Variants in CDC42BPA observed in about 807,000 individuals in gnomAD.
CDC42BPA encodes the protein CDC42 binding protein kinase alpha.
In CDC42BPA, 80 loss-of-function variants were observed where a neutral mutation model predicts 223.5. That is an observed-to-expected ratio of 0.36 (90% CI 0.30 to 0.43). CDC42BPA has a LOEUF of 0.43. Ranked by LOEUF, CDC42BPA falls within the 20% of genes least tolerant of loss-of-function variation. The pLI, the probability that CDC42BPA is intolerant of heterozygous loss-of-function variation, is 1.00. For missense variants in CDC42BPA, 1,743 were observed against 2,099.9 expected (o/e 0.83, Z 3.32); for synonymous variants, 694 against 718.6 (o/e 0.97, Z 0.55).
chr1:227,139,529 CTG>C (rs1381705759), intron 10 of CDC42BPA, 45 bp downstream of exon 10: 4 of 1,258,652 alleles, frequency 3.2e-6, no homozygotes, highest in Non-Finnish European at 2.2e-6. Context: ...GCTCATAACA[CTG>C]TGAGTACAAT....
Position 227,035,622 on chromosome 1 carries a change from A to G in CDC42BPA, c.3200-15T>C. 3.2e-6 allele frequency: 5 copies of G among 1,558,868 alleles called. No homozygotes were observed. Among genetic ancestry groups the G allele is most frequent in the Non-Finnish European group, 4.3e-6 (5 of 1,162,334 alleles). ...GAATCCACACACTTTTAGAGGGAAAAAAGAAACGTTTGATAAAAATTCATT... is the reference window on the plus strand; with the variant it reads ...GAATCCACACACTTTTAGAGGGAAAGAAGAAACGTTTGATAAAAATTCATT... On this transcript the variant is annotated splice_polypyrimidine_tract_variant and intron_variant, in intron 24 of 36. Coordinates refer to ENST00000366766, the MANE Select transcript of CDC42BPA (RefSeq NM_001394014.1).
chr1:227,041,150 T>A (rs898806449), intron 23 of CDC42BPA, among the ~76,000 whole-genome samples: 2 of 150,750 alleles, frequency 1.3e-5, no homozygotes, highest in Non-Finnish European at 3.0e-5. Flanking sequence ...CAAAAAAAAA[T>A]AATTTCAACT....
At chr1:227,284,071 T>A (rs11812018) in intron 1 of CDC42BPA, among the ~76,000 whole-genome samples, 23,904 of 152,030 alleles carry the variant, frequency 0.16, 2,166 homozygotes, top group East Asian at 0.37. Flanking sequence ...ATATATATAC[T>A]TTTTAATTAA....
intron 5 of CDC42BPA, among the ~76,000 whole-genome samples, chr1:227,177,364 C>T (rs1192087966): frequency 6.6e-6 from 1 of 152,058 alleles, no homozygotes; most frequent in Non-Finnish European, 1.5e-5. Context: ...GAAAATATCC[C>T]CAGATACAGA....
intron 21 of CDC42BPA, among the ~76,000 whole-genome samples, chr1:227,062,549 AC>A (rs1676133150): frequency 6.6e-6 from 1 of 152,194 alleles, no homozygotes; most frequent in South Asian, 2.1e-4. Context: ...AGGAAATATT[AC>A]GCTTAAGGGC....
chr1:227,254,516 G>A (rs760719414), intron 1 of CDC42BPA, among the ~76,000 whole-genome samples: 5 of 152,090 alleles, frequency 3.3e-5, no homozygotes, highest in Non-Finnish European at 7.4e-5. Flanking sequence ...CAGATTTCAT[G>A]GCACCAGAGA....
intron 6 of CDC42BPA, among the ~76,000 whole-genome samples, chr1:227,157,910 T>A (rs569684666): frequency 9.2e-5 from 14 of 151,876 alleles, no homozygotes; most frequent in Non-Finnish European, 1.8e-4. Context: ...ATTTGTGTAA[T>A]CTTTAAGGCT....
intron 1 of CDC42BPA, among the ~76,000 whole-genome samples, chr1:227,315,502 G>A (rs1694227216): frequency 6.6e-6 from 1 of 151,504 alleles, no homozygotes; most frequent in South Asian, 2.1e-4. Flanking sequence ...AAAAATCACA[G>A]ACTAGAGTGT....
At chr1:227,226,755 C>A (rs1025441691) in intron 2 of CDC42BPA, among the ~76,000 whole-genome samples, 1 of 152,112 alleles carries the variant, frequency 6.6e-6, no homozygotes, top group African/African-American at 2.4e-5. Flanking sequence ...TTACTTCCCT[C>A]CCACCTTCAA....
rs191436210 is a variant in CDC42BPA at position 227,288,810 on chromosome 1, C to T, written c.178+28195G>A. 8.1e-4 allele frequency among the ~76,000 whole-genome samples: 123 copies of T among 151,666 alleles called. 1 individual carries two copies. The highest frequency in any genetic ancestry group is 2.8e-3 in the African/African-American group (117 of 41,312). The stretch of plus-strand genomic sequence containing the variant: ...AGGAGTTCGAGACCAGCCTGGCCAA[C>T]GTGGTGAAACCCCGTCTCTACTAAA... On this transcript the variant is annotated intron_variant, in intron 1 of 36. Coordinates refer to ENST00000366766, the MANE Select transcript of CDC42BPA (RefSeq NM_001394014.1).
At chr1:227,102,613 C>T (rs1010429222) in intron 14 of CDC42BPA, among the ~76,000 whole-genome samples, 4 of 152,094 alleles carry the variant, frequency 2.6e-5, no homozygotes, top group Admixed American at 2.0e-4. Context: ...GAAATCAAAA[C>T]CTAACAAAGA....
intron 23 of CDC42BPA, among the ~76,000 whole-genome samples, chr1:227,040,942 T>A (rs546061247): frequency 4.1e-4 from 63 of 152,332 alleles, no homozygotes; most frequent in African/African-American, 1.4e-3. Context: ...TCTTAGCATG[T>A]TTTAACAATA....
Position 227,255,896 on chromosome 1 carries a change from T to C in CDC42BPA, c.179-1741A>G, listed in dbSNP as rs1682957693. On this transcript the variant is annotated intron_variant, in intron 1 of 36. Transcript: ENST00000366766. ...AATGTTACCCAAAGCAATCCACAGA[T>C]TCAAAGCAATCCCTATCAAAATTAC... is the stretch of plus-strand genomic sequence containing the variant. Among the ~76,000 whole-genome samples, 3 of 152,164 alleles carry C rather than the reference T, an allele frequency of 2.0e-5. No individual in the cohort carries two copies. In the South Asian group the frequency reaches 6.2e-4, roughly 32 times the overall value.
chr1:227,057,619 C>G (rs1674861454), intron 21 of CDC42BPA, among the ~76,000 whole-genome samples: 1 of 152,024 alleles, frequency 6.6e-6, no homozygotes, highest in Non-Finnish European at 1.5e-5. Context: ...CAGTGGCTGA[C>G]TTTTTTTGTG....
chr1:227,214,594 T>C (rs1674504650), intron 2 of CDC42BPA, among the ~76,000 whole-genome samples: 1 of 152,110 alleles, frequency 6.6e-6, no homozygotes, highest in African/African-American at 2.4e-5. Flanking sequence ...GGAGTGCACA[T>C]GGATAGAGGG....
intron 6 of CDC42BPA, among the ~76,000 whole-genome samples, chr1:227,148,772 C>CAAAAAAGAAAAAAAAAAAAAAAAAAA (rs1187846598): frequency 6.3e-5 from 5 of 78,786 alleles, no homozygotes; most frequent in Non-Finnish European, 1.1e-4. Context: ...GTCTCAAAAG[C>CAAAAAAGAAAAAAAAAAAAAAAAAAA]AAAAAAAAAA....
At chr1:227,091,865 A>AT in intron 16 of CDC42BPA, 21 bp downstream of exon 16, 1 of 1,314,096 alleles carries the variant, frequency 7.6e-7, no homozygotes, top group Non-Finnish European at 1.1e-6. Flanking sequence ...TACTCAATTA[A>AT]TATGAGATTA....
chr1:227,073,063 T>C (rs1034086278), intron 19 of CDC42BPA, among the ~76,000 whole-genome samples: 8 of 152,104 alleles, frequency 5.3e-5, no homozygotes, highest in African/African-American at 1.4e-4. Context: ...AGATAAACAA[T>C]TGCAGTTTAA....
intron 12 of CDC42BPA, among the ~76,000 whole-genome samples, chr1:227,116,577 G>T (rs979813592): frequency 6.6e-6 from 1 of 152,104 alleles, no homozygotes; most frequent in Non-Finnish European, 1.5e-5. Flanking sequence ...AACAAGAAAA[G>T]AAATGAAAGT....
Sources: gnomAD v4.1 joint callset for allele counts (sites outside exome capture counted in the v4.1 genomes callset) on GRCh38, gnomAD v4.1.1 for gene constraint, MANE v1.5 for transcripts, NCBI Gene and HGNC (gene_info 2026-07-23, HGNC 2026-07-21) for gene names.